TEX11: variants seen among roughly 807,000 people sequenced by gnomAD.
TEX11 encodes testis-expressed protein 11.
TEX11 carries 7 observed loss-of-function variants against 84.4 expected under a neutral mutation model. The observed-to-expected ratio is 0.08, with a 90% CI of 0.05 to 0.16. The LOEUF is 0.16. TEX11 is among the 10% of genes least tolerant of loss of function. TEX11 has a pLI of 1.00. For missense variants in TEX11, 551 were observed against 660.5 expected (o/e 0.83, Z 1.82); for synonymous variants, 264 against 222.8 (o/e 1.18, Z -1.64).
intron 3 of TEX11, among the ~76,000 whole-genome samples, chrX:70,873,697 G>A (rs1307523784): frequency 1.8e-5 from 2 of 111,400 alleles, no homozygotes; most frequent in African/African-American, 6.5e-5. Context: ...TATACAATTT[G>A]GCAATTAATT....
chrX:70,572,500 A>G (rs1028649013), intron 25 of TEX11, among the ~76,000 whole-genome samples: 11 of 111,023 alleles, frequency 9.9e-5, no homozygotes, highest in Non-Finnish European at 1.9e-4. Flanking sequence ...CCCATTACTG[A>G]GTATATACCC....
intron 9 of TEX11, among the ~76,000 whole-genome samples, chrX:70,755,162 A>G (rs1038923516): frequency 1.2e-4 from 14 of 112,614 alleles, no homozygotes; most frequent in African/African-American, 4.5e-4. Flanking sequence ...AAACAGAGAC[A>G]TGTGACCTTT....
In TEX11 at chrX:70,529,143, G is replaced by A. The variant is rs1310485179; in HGVS notation, c.2730C>T (p.Asn910=). The change falls in exon 30 of 30, where the codon AAC becomes AAT. Residue 910 remains asparagine (N), a synonymous_variant. Coordinates refer to ENST00000374333, the MANE Select transcript of TEX11 (RefSeq NM_031276.3). ...CATGTTCATGAAAAACTGGGCCCTT[G>A]TTGTTACTCAATGCTTCCACAAGCT... is the stretch of plus-strand genomic sequence containing the variant. ...YSQLVEALSN[N]KGPVFHEHGY... 2 of 1,210,575 alleles carry A rather than the reference G, an allele frequency of 1.7e-6. No individual in the cohort carries two copies. Among genetic ancestry groups the A allele is most frequent in the South Asian group, 3.5e-5 (2 of 56,892 alleles).
At chrX:70,542,228 A>G (rs1170276205) in intron 28 of TEX11, among the ~76,000 whole-genome samples, 1 of 111,081 alleles carries the variant, frequency 9.0e-6, no homozygotes, top group Non-Finnish European at 1.9e-5. Context: ...CTTATAAAAG[A>G]GACCCTAGAG....
Position 70,754,420 on chromosome X carries a change from G to A in TEX11, c.693-10201C>T, listed in dbSNP as rs554898979. On this transcript the variant is annotated intron_variant, in intron 9 of 29. Coordinates refer to ENST00000374333, the MANE Select transcript of TEX11 (RefSeq NM_031276.3). ...ATCTTGTGGTTTAACTGACAGCTCA[G>A]TCACAGTAAAATATAATAGAGCACT... is the stretch of plus-strand genomic sequence containing the variant. Among the ~76,000 whole-genome samples, 10 of 111,642 alleles carry A rather than the reference G, an allele frequency of 9.0e-5. No individual in the cohort carries two copies. The South Asian group carries it at 3.8e-3, about 42-fold the overall frequency.
chrX:70,853,381 T>A, intron 5 of TEX11, 53 bp from the exon 6 acceptor site: 1 of 850,309 alleles, frequency 1.2e-6, no homozygotes, highest in East Asian at 3.4e-5. Context: ...CTCCCCCAAA[T>A]TGGTGGGGGA....
chrX:70,904,389 T>C (rs760641445), intron 2 of TEX11, among the ~76,000 whole-genome samples: 9 of 111,612 alleles, frequency 8.1e-5, no homozygotes, highest in South Asian at 3.7e-4. Flanking sequence ...TTTGGGAAAA[T>C]GAAACTGCCT....
chrX:70,807,210 A>G (rs1349882809), intron 8 of TEX11, among the ~76,000 whole-genome samples: 4 of 110,741 alleles, frequency 3.6e-5, no homozygotes, highest in Non-Finnish European at 7.5e-5. Context: ...CAAAGACAAA[A>G]AATCACTATT....
intron 16 of TEX11, among the ~76,000 whole-genome samples, chrX:70,653,860 A>G (rs1368657263): frequency 8.9e-6 from 1 of 112,344 alleles, no homozygotes; most frequent in Non-Finnish European, 1.9e-5. Context: ...GCACTAAAAA[A>G]AATTAACTAC....
intron 28 of TEX11, among the ~76,000 whole-genome samples, chrX:70,544,933 G>T (rs2088101013): frequency 9.6e-6 from 1 of 103,784 alleles, no homozygotes; most frequent in African/African-American, 3.6e-5. Flanking sequence ...GGCCAGTCAT[G>T]CTGGCTCACT....
intron 16 of TEX11, among the ~76,000 whole-genome samples, chrX:70,661,267 C>T (rs1180988390): frequency 8.9e-6 from 1 of 112,437 alleles, no homozygotes; most frequent in East Asian, 2.8e-4. Flanking sequence ...CCCACAGAGC[C>T]TCGCTCATTG....
intron 10 of TEX11, 85 bp from the exon 11 acceptor site, chrX:70,740,881 G>T: frequency 1.8e-6 from 1 of 544,096 alleles, no homozygotes; most frequent in Non-Finnish European, 2.9e-6. Context: ...CACAGTGACA[G>T]GCATCTTCTC....
intron 11 of TEX11, among the ~76,000 whole-genome samples, chrX:70,727,351 CAT>C (rs999983500): frequency 6.3e-5 from 7 of 111,940 alleles, no homozygotes; most frequent in African/African-American, 1.3e-4. Context: ...CATACACACA[CAT>C]GAGTATATAA....
chrX:70,602,693 T>G (rs1040524699), intron 24 of TEX11, among the ~76,000 whole-genome samples: 2 of 107,942 alleles, frequency 1.9e-5, no homozygotes, highest in African/African-American at 6.8e-5. Context: ...TGTTGGAAGT[T>G]CTGGCCACGG....
At chrX:70,753,955 G>C (rs1482322860) in intron 9 of TEX11, among the ~76,000 whole-genome samples, 1 of 110,571 alleles carries the variant, frequency 9.0e-6, no homozygotes, top group African/African-American at 3.3e-5. Flanking sequence ...CAGGTCCTAC[G>C]TCGAGGACTT....
chrX:70,783,884 A>G (rs1001878044), intron 9 of TEX11, among the ~76,000 whole-genome samples: 1 of 111,811 alleles, frequency 8.9e-6, no homozygotes, highest in Non-Finnish European at 1.9e-5. Context: ...TCACAGCCGA[A>G]TTCTACCAGA....
chrX:70,534,811 A>G (rs753383212), intron 28 of TEX11, among the ~76,000 whole-genome samples: 1 of 112,136 alleles, frequency 8.9e-6, no homozygotes, highest in South Asian at 3.8e-4. Flanking sequence ...TAAAGTGTAC[A>G]ATACGGTGGT....
intron 2 of TEX11, among the ~76,000 whole-genome samples, chrX:70,900,139 C>T (rs1373416711): frequency 2.8e-5 from 3 of 107,127 alleles, no homozygotes; most frequent in African/African-American, 6.8e-5. Context: ...CAACTGCACT[C>T]CAGCCTGGGC....
intron 25 of TEX11, among the ~76,000 whole-genome samples, chrX:70,570,935 G>C (rs1488722961): frequency 8.9e-6 from 1 of 111,901 alleles, no homozygotes; most frequent in African/African-American, 3.2e-5. Flanking sequence ...GTTCTTTCTT[G>C]ATCCATCTTG....
Sources: allele counts gnomAD v4.1 joint callset (sites outside exome capture counted in the v4.1 genomes callset), GRCh38; gene constraint gnomAD v4.1.1; transcripts MANE v1.5; gene names NCBI Gene and HGNC (gene_info 2026-07-23, HGNC 2026-07-21).